The following RAB6A variants were observed in gnomAD, a reference collection of about 807,000 sequenced individuals.
The protein encoded by RAB6A is ras-related protein Rab-6A.
In RAB6A, 8 loss-of-function variants were observed where a neutral mutation model predicts 32.3. The ratio of observed to expected loss-of-function variants is 0.25; its 90% confidence interval spans 0.15 to 0.45. The LOEUF (loss-of-function observed/expected upper bound fraction) is 0.45. Ranked by LOEUF, RAB6A falls within the 20% of genes least tolerant of loss-of-function variation. The probability of loss-of-function intolerance (pLI) is 1.00; values close to 1 mark genes in which losing one functional copy is unlikely to be tolerated. For missense variants in RAB6A, 104 were observed against 249.4 expected (o/e 0.42, Z 3.93); for synonymous variants, 73 against 82.1 (o/e 0.89, Z 0.60).
At chr11:73,691,245 G>A (rs1241803423) in intron 6 of RAB6A, among the ~76,000 whole-genome samples, 1 of 152,196 alleles carries the variant, frequency 6.6e-6, no homozygotes, top group African/African-American at 2.4e-5. Context: ...CATCCTGGTG[G>A]GAAACTTCAG....
intron 1 of RAB6A, among the ~76,000 whole-genome samples, chr11:73,746,682 C>T (rs1004132983): frequency 4.0e-5 from 6 of 151,722 alleles, no homozygotes; most frequent in African/African-American, 1.5e-4. Flanking sequence ...TGCCTAAGCC[C>T]AGGAGACTGA....
chr11:73,707,581 G>A (rs1945868781), intron 5 of RAB6A, 68 bp from the exon 6 acceptor site: 1 of 1,224,120 alleles, frequency 8.2e-7, no homozygotes, highest in Non-Finnish European at 1.2e-6. Flanking sequence ...TATAAAGAAA[G>A]CTCTGAAAAT....
chr11:73,715,781 C>A (rs1213811858), intron 5 of RAB6A, among the ~76,000 whole-genome samples: 1 of 152,206 alleles, frequency 6.6e-6, no homozygotes, highest in Non-Finnish European at 1.5e-5. Context: ...TGCAACTACA[C>A]AGTCTGGCTC....
chr11:73,728,131 A>G (rs1383756919), intron 2 of RAB6A, among the ~76,000 whole-genome samples: 1 of 152,212 alleles, frequency 6.6e-6, no homozygotes, highest in East Asian at 1.9e-4. Context: ...TTAGTGTCTC[A>G]AAGTACTTGC....
chr11:73,721,248 T>C (rs527926764), intron 2 of RAB6A, among the ~76,000 whole-genome samples: 2 of 152,242 alleles, frequency 1.3e-5, no homozygotes, highest in Non-Finnish European at 2.9e-5. Context: ...AGTTTGAGTA[T>C]CTGATTGTTC....
At chr11:73,713,808 T>C (rs560077508) in intron 5 of RAB6A, among the ~76,000 whole-genome samples, 34 of 152,186 alleles carry the variant, frequency 2.2e-4, no homozygotes, top group African/African-American at 7.5e-4. Flanking sequence ...ATGTGAACAG[T>C]TGAGAGATGA....
At chr11:73,713,539 G>A (rs537573897) in intron 5 of RAB6A, among the ~76,000 whole-genome samples, 1 of 150,132 alleles carries the variant, frequency 6.7e-6, no homozygotes, top group Non-Finnish European at 1.5e-5. Flanking sequence ...CTGCACTCCA[G>A]GCTGGGAGAC....
At chr11:73,694,858 T>C (rs1945631712) in intron 6 of RAB6A, among the ~76,000 whole-genome samples, 1 of 151,876 alleles carries the variant, frequency 6.6e-6, no homozygotes, top group South Asian at 2.1e-4. Context: ...TACCAAAAAA[T>C]ACAAAAAATT....
At chr11:73,750,595 G>T (rs1197464570) in intron 1 of RAB6A, among the ~76,000 whole-genome samples, 1 of 151,498 alleles carries the variant, frequency 6.6e-6, no homozygotes, top group African/African-American at 2.4e-5. Flanking sequence ...GGCCTCAAGT[G>T]ATCCTCATGC....
chr11:73,750,381 A>G (rs1204609909), intron 1 of RAB6A, among the ~76,000 whole-genome samples: 2 of 144,960 alleles, frequency 1.4e-5, no homozygotes, highest in African/African-American at 5.1e-5. Context: ...ACAGAGTCGC[A>G]CTCTGTTACC....
intron 1 of RAB6A, among the ~76,000 whole-genome samples, chr11:73,748,516 A>C (rs972614591): frequency 6.6e-6 from 1 of 152,202 alleles, no homozygotes; most frequent in Non-Finnish European, 1.5e-5. Flanking sequence ...TGTCTCTAAA[A>C]AATAAATAGA....
intron 6 of RAB6A, among the ~76,000 whole-genome samples, chr11:73,688,129 A>G (rs901279683): frequency 6.6e-6 from 1 of 152,202 alleles, no homozygotes; most frequent in South Asian, 2.1e-4. Flanking sequence ...TTTGTGATTA[A>G]TAAGTATGAG....
At chr11:73,678,789 G>T (rs1945308739) in intron 7 of RAB6A, among the ~76,000 whole-genome samples, 1 of 150,852 alleles carries the variant, frequency 6.6e-6, no homozygotes, top group Non-Finnish European at 1.5e-5. Context: ...GCAATGGCGT[G>T]ATCTCGGCTC....
intron 1 of RAB6A, among the ~76,000 whole-genome samples, chr11:73,740,985 T>C (rs753989434): frequency 2.0e-5 from 3 of 152,156 alleles, no homozygotes; most frequent in Non-Finnish European, 4.4e-5. Context: ...TTAAAATAAG[T>C]AATTTCACAT....
chr11:73,695,042 AAT>A (rs1945635524), intron 6 of RAB6A, among the ~76,000 whole-genome samples: 1 of 152,024 alleles, frequency 6.6e-6, no homozygotes, highest in Non-Finnish European at 1.5e-5. Flanking sequence ...TAAAAATAAA[AAT>A]ATATCCAAAT....
intron 1 of RAB6A, 87 bp downstream of exon 1, chr11:73,760,479 G>C (rs1475567819): frequency 4.0e-6 from 6 of 1,488,464 alleles, no homozygotes; most frequent in South Asian, 3.8e-5. Flanking sequence ...AGGCGGGCAG[G>C]GAGCCTCCGC....
intron 1 of RAB6A, among the ~76,000 whole-genome samples, chr11:73,744,696 G>A (rs1257412719): frequency 6.6e-6 from 1 of 152,142 alleles, no homozygotes; most frequent in Admixed American, 6.6e-5. Context: ...AAGCACTGGG[G>A]CTGGGCGCGG....
Position 73,677,837 on chromosome 11 carries a change from T to C in RAB6A, c.*61A>G, listed in dbSNP as rs1385732125. ...AAGCCAATATTCACACTGCAGTCAA[T>C]GAAAGAGTAAGGGGGCCAAAGCAGT... On this transcript the variant is annotated 3_prime_UTR_variant, in exon 8 of 8. Coordinates refer to ENST00000336083, the MANE Select transcript of RAB6A (RefSeq NM_198896.2). 8.1e-6 allele frequency: 13 copies of C among 1,610,744 alleles called. No homozygotes were observed. The highest frequency in any genetic ancestry group is 1.1e-5 in the South Asian group (1 of 91,002).
intron 1 of RAB6A, among the ~76,000 whole-genome samples, chr11:73,743,320 A>G (rs541220500): frequency 4.5e-4 from 68 of 151,828 alleles, no homozygotes; most frequent in African/African-American, 9.6e-4. Flanking sequence ...AAAAAAAAAA[A>G]AGAGAAAAAA....
Sources: allele counts gnomAD v4.1 joint callset (sites outside exome capture counted in the v4.1 genomes callset), GRCh38; gene constraint gnomAD v4.1.1; transcripts MANE v1.5; gene names NCBI Gene and HGNC (gene_info 2026-07-23, HGNC 2026-07-21).